Variants in STX5 observed in about 807,000 individuals in gnomAD.
STX5 encodes the protein syntaxin-5.
Under a neutral mutation model 42.9 loss-of-function variants are expected in STX5, and 15 were observed. The ratio of observed to expected loss-of-function variants is 0.35; its 90% CI spans 0.23 to 0.54. The LOEUF is 0.54. STX5 is among the 20% of genes least tolerant of loss of function. The pLI, the probability that STX5 is intolerant of heterozygous loss-of-function variation, is 0.91. For synonymous variants in STX5, 184 were observed against 173.2 expected, an observed-to-expected ratio of 1.06 and a Z score of -0.49; for missense variants, 430 against 455.0, an observed-to-expected ratio of 0.95 and a Z score of 0.50.
intron 3 of STX5, 28 bp downstream of exon 3, chr11:62,827,533 C>T (rs1333998371): frequency 3.7e-6 from 6 of 1,614,042 alleles, no homozygotes; most frequent in East Asian, 2.2e-5. Flanking sequence ...CACTGTATCA[C>T]CCCACCAGAA....
chr11:62,819,025 C>A (rs2084707663), intron 10 of STX5, among the ~76,000 whole-genome samples: 1 of 151,178 alleles, frequency 6.6e-6, no homozygotes, highest in Non-Finnish European at 1.5e-5. Context: ...CGAGACCATC[C>A]TGGCTAACAC....
In STX5 at chr11:62,807,260, G is replaced by A; in HGVS notation, c.*209C>T. The A allele has an allele frequency of 1.5e-6, 1 of 654,392 alleles. No individual in the cohort carries two copies. Among genetic ancestry groups the A allele is most frequent in the Non-Finnish European group, 2.4e-6 (1 of 409,758 alleles). The allele number at this position is 654,392 out of a possible 1,614,324, so 40.5% of individuals were successfully genotyped here. ...CAGCAGAGTTCAAATCTAGAACCCT[G>A]TGTGTTTCATAGGCCTGAGGGTGGT... On this transcript the variant is annotated 3_prime_UTR_variant, in exon 11 of 11. Coordinates refer to ENST00000294179, the MANE Select transcript of STX5 (RefSeq NM_003164.5).
chr11:62,831,301 C>T (rs2084858851), intron 1 of STX5, 39 bp from the exon 2 acceptor site: 8 of 1,441,606 alleles, frequency 5.5e-6, no homozygotes, highest in Non-Finnish European at 7.6e-6. Context: ...CAGGCAACTT[C>T]TTTACCCAAA....
chr11:62,807,716 G>C (rs1360330810), intron 10 of STX5, 88 bp from the exon 11 acceptor site: 11 of 1,558,164 alleles, frequency 7.1e-6, no homozygotes, highest in Non-Finnish European at 9.6e-6. Context: ...ATGGAAAGAT[G>C]GTCACAATAT....
Position 62,825,471 on chromosome 11 carries a change from A to G in STX5, c.492T>C (p.Ser164=), listed in dbSNP as rs1253599081. Residue 164 remains serine (S), a synonymous_variant, in exon 6 of 11, where the codon AGT becomes AGC. Coordinates refer to ENST00000294179, the MANE Select transcript of STX5 (RefSeq NM_003164.5). ...QDFVRAKGSQ[S]GRHLQTHSNT... Reference sequence around the variant, plus strand: ...TGGAGTGGGTCTGCAGGTGCCGGCCACTCTGGCTGCCCTTGGCTCTCACGA... The same window carrying G: ...TGGAGTGGGTCTGCAGGTGCCGGCCGCTCTGGCTGCCCTTGGCTCTCACGA... 1 of 1,613,984 alleles carries G rather than the reference A, an allele frequency of 6.2e-7. No individual in the cohort carries two copies.
chr11:62,815,286 A>G (rs1004730186), intron 10 of STX5, among the ~76,000 whole-genome samples: 3 of 151,924 alleles, frequency 2.0e-5, no homozygotes, highest in South Asian at 2.1e-4. Flanking sequence ...GATTACAGGC[A>G]TGAGCCACCA....
intron 10 of STX5, 26 bp downstream of exon 10, chr11:62,824,140 G>A (rs1207304203): frequency 6.2e-7 from 1 of 1,614,034 alleles, no homozygotes; most frequent in African/African-American, 1.3e-5. Context: ...AAGCTCCTCT[G>A]TTTGGGGCGA....
chr11:62,809,971 G>A lies in STX5; in HGVS notation c.909-2343C>T, dbSNP rs1253406982. ...ACAAAAATTAGCTGGATGTGGTGAC[G>A]TGCACCTGTAACCCCAGCTACTCAG... On this transcript the variant is annotated intron_variant, in intron 10 of 10. Coordinates refer to ENST00000294179, the MANE Select transcript of STX5 (RefSeq NM_003164.5). Among the ~76,000 whole-genome samples the A allele has an allele frequency of 2.6e-5, 4 of 151,662 alleles. No homozygotes were observed. In the East Asian group the frequency reaches 5.9e-4, roughly 22 times the overall value.
At chr11:62,822,727 T>C (rs1229252479) in intron 10 of STX5, among the ~76,000 whole-genome samples, 4 of 150,976 alleles carry the variant, frequency 2.6e-5, no homozygotes, top group Admixed American at 6.6e-5. Flanking sequence ...ACATACTATT[T>C]ATTATGACTT....
Position 62,822,021 on chromosome 11 carries a change from T to C in STX5, c.908+2145A>G, listed in dbSNP as rs980770650. On this transcript the variant is annotated intron_variant, in intron 10 of 10. Transcript: ENST00000294179. ...AGCCTAGCGACAGAGTGAGACTCCA[T>C]CTCAAAAATAAAAATAAATAAATAA... Among the ~76,000 whole-genome samples the C allele has an allele frequency of 2.0e-5, 3 of 147,844 alleles. No homozygotes were observed. In the East Asian group the frequency reaches 6.2e-4, roughly 31 times the overall value.
chr11:62,820,520 CTT>C (rs374794905), intron 10 of STX5, among the ~76,000 whole-genome samples: 15 of 140,588 alleles, frequency 1.1e-4, no homozygotes, highest in Admixed American at 1.4e-4. Flanking sequence ...TTTTCTTTTT[CTT>C]TTTTTTTTTT....
At position 62,831,988 on chromosome 11, in the gene STX5, A is replaced by T. The variant is rs1172526605; in HGVS notation, c.-54T>A. 2.2e-6 allele frequency: 1 copy of T among 464,796 alleles called. No homozygotes were observed. Among genetic ancestry groups the T allele is most frequent in the Admixed American group, 2.3e-5 (1 of 42,720 alleles). The allele number at this position is 464,796 out of a possible 1,614,324, so 28.8% of individuals were successfully genotyped here. ...GCCGCCTGCCGCCGCCGCCACTTCC[A>T]ATCTCACCGGCCGTCACTGCCTCCT... On this transcript the variant is annotated 5_prime_UTR_variant, in exon 1 of 11. Coordinates refer to ENST00000294179, the MANE Select transcript of STX5 (RefSeq NM_003164.5).
At chr11:62,827,534 C>G in intron 3 of STX5, 27 bp downstream of exon 3, 1 of 1,614,114 alleles carries the variant, frequency 6.2e-7, no homozygotes, top group Non-Finnish European at 8.5e-7. Flanking sequence ...ACTGTATCAC[C>G]CCACCAGAAA....
chr11:62,827,049 T>C (rs1406173980), intron 5 of STX5, 106 bp downstream of exon 5: 13 of 1,033,126 alleles, frequency 1.3e-5, no homozygotes, highest in Non-Finnish European at 1.9e-5. Flanking sequence ...GACCCCCCTC[T>C]CTAAAAAAAG....
chr11:62,825,181 C>T, intron 7 of STX5, 64 bp from the exon 8 acceptor site: 1 of 1,611,030 alleles, frequency 6.2e-7, no homozygotes, highest in Non-Finnish European at 8.5e-7. Flanking sequence ...TAAAGAGACT[C>T]CCACCATTGG....
At chr11:62,814,571 C>T (rs2084652781) in intron 10 of STX5, among the ~76,000 whole-genome samples, 1 of 151,932 alleles carries the variant, frequency 6.6e-6, no homozygotes, top group East Asian at 1.9e-4. Flanking sequence ...AAGAGATTCT[C>T]CTGCCTCAGC....
intron 2 of STX5, 58 bp downstream of exon 2, chr11:62,830,961 A>G: frequency 1.4e-6 from 2 of 1,448,296 alleles, no homozygotes; most frequent in African/African-American, 1.4e-5. Flanking sequence ...GGTGGAGCAC[A>G]GTCCTTCCTA....
intron 1 of STX5, 92 bp from the exon 2 acceptor site, chr11:62,831,354 T>C (rs919704171): frequency 3.1e-6 from 3 of 981,984 alleles, no homozygotes; most frequent in Admixed American, 2.0e-5. Context: ...GAGCCCCTTC[T>C]GCACTTCTCG....
At position 62,807,583 on chromosome 11, in the gene STX5, G is replaced by T; in HGVS notation, c.954C>A (p.Ala318=). 6.2e-7 allele frequency: 1 copy of T among 1,614,136 alleles called. No individual in the cohort carries two copies. The highest frequency in any genetic ancestry group is 8.5e-7 in the Non-Finnish European group (1 of 1,180,014). ...GGAAGTACTTGAGGATCTCTGAATG[G>T]GCGGCCTCAACGTCCAGCTGGGCTC... ...VLGAQLDVEA[A]HSEILKYFQS... is the part of the protein sequence containing the mutation. Residue 318 remains alanine (A), a synonymous_variant, in exon 11 of 11, where the codon GCC becomes GCA. Coordinates refer to ENST00000294179, the MANE Select transcript of STX5 (RefSeq NM_003164.5).
Sources: gnomAD v4.1 joint callset for allele counts (sites outside exome capture counted in the v4.1 genomes callset) on GRCh38, gnomAD v4.1.1 for gene constraint, MANE v1.5 for transcripts, NCBI Gene and HGNC (gene_info 2026-07-23, HGNC 2026-07-21) for gene names.